Variants in ZNF704 observed in about 807,000 individuals in gnomAD.
The protein encoded by ZNF704 is glucocorticoid induced gene 1.
Under a neutral mutation model 44.7 loss-of-function variants are expected in ZNF704, and 10 were observed. The ratio of observed to expected loss-of-function variants is 0.22; its 90% CI spans 0.14 to 0.38. The LOEUF is 0.38. ZNF704 is among the 10% of genes least tolerant of loss of function. ZNF704 has a pLI of 1.00. For synonymous variants in ZNF704, 211 were observed against 207.6 expected (o/e 1.02, Z -0.14); for missense variants, 390 against 545.5 (o/e 0.71, Z 2.84).
rs1807327401 is a variant in ZNF704 at position 80,771,934 on chromosome 8, T to C, written c.221+49440A>G. Among the ~76,000 whole-genome samples the C allele has an allele frequency of 2.6e-5, 4 of 152,192 alleles. No homozygotes were observed. The South Asian group carries it at 6.2e-4, about 24-fold the overall frequency. On this transcript the variant is annotated intron_variant, in intron 2 of 8. Transcript: ENST00000327835. ...TCAAATGCTTTTCTGCAGTGATTGA[T>C]ATGATTATGTGATGTTTCTTCTTTA...
intron 1 of ZNF704, among the ~76,000 whole-genome samples, chr8:80,835,547 T>C (rs1437153584): frequency 1.3e-5 from 2 of 152,180 alleles, no homozygotes; most frequent in Non-Finnish European, 2.9e-5. Flanking sequence ...AGTTACATAT[T>C]CATCTTGAGC....
intron 2 of ZNF704, among the ~76,000 whole-genome samples, chr8:80,710,473 T>C (rs559407229): frequency 4.6e-5 from 7 of 152,140 alleles, no homozygotes; most frequent in South Asian, 2.1e-4. Flanking sequence ...CACTACAGTA[T>C]GTATGTGTTA....
intron 1 of ZNF704, among the ~76,000 whole-genome samples, chr8:80,860,266 A>G (rs966289535): frequency 2.0e-5 from 3 of 152,192 alleles, no homozygotes; most frequent in African/African-American, 4.8e-5. Flanking sequence ...GATGGACAAC[A>G]TATGAAATCA....
At chr8:80,726,667 C>T (rs1806485608) in intron 2 of ZNF704, among the ~76,000 whole-genome samples, 1 of 151,950 alleles carries the variant, frequency 6.6e-6, no homozygotes, top group South Asian at 2.1e-4. Flanking sequence ...GGATGATGGA[C>T]ATACAGGGAG....
At chr8:80,653,121 C>T (rs1435892729) in intron 7 of ZNF704, among the ~76,000 whole-genome samples, 4 of 152,198 alleles carry the variant, frequency 2.6e-5, no homozygotes, top group Non-Finnish European at 5.9e-5. Context: ...TTCAACAACC[C>T]TTCATGCTAA....
chr8:80,744,966 T>G (rs750114700), intron 2 of ZNF704, among the ~76,000 whole-genome samples: 3 of 152,192 alleles, frequency 2.0e-5, no homozygotes, highest in Non-Finnish European at 4.4e-5. Context: ...ATGACACTTG[T>G]ATGCATTAAA....
intron 2 of ZNF704, among the ~76,000 whole-genome samples, chr8:80,794,097 A>C (rs1039582105): frequency 1.3e-5 from 2 of 152,198 alleles, no homozygotes; most frequent in African/African-American, 4.8e-5. Context: ...TTAGTTGGAC[A>C]AAATTAAGAG....
At chr8:80,743,035 G>T (rs1254272476) in intron 2 of ZNF704, among the ~76,000 whole-genome samples, 2 of 152,014 alleles carry the variant, frequency 1.3e-5, no homozygotes, top group East Asian at 3.9e-4. Context: ...AGGAGGTAAA[G>T]AAATAGCCAA....
At chr8:80,875,012 G>A (rs1030485743), upstream of ZNF704, among the ~76,000 whole-genome samples, 3 of 152,118 alleles carry the variant, frequency 2.0e-5, no homozygotes, top group Admixed American at 6.5e-5. Flanking sequence ...GATTTTAATG[G>A]CTGAATTCCA....
At chr8:80,713,564 G>C (rs1819026216) in intron 2 of ZNF704, among the ~76,000 whole-genome samples, 1 of 152,144 alleles carries the variant, frequency 6.6e-6, no homozygotes, top group South Asian at 2.1e-4. Flanking sequence ...ATTCGTATCA[G>C]GCAACTTGAA....
At position 80,827,360 on chromosome 8, in the gene ZNF704, AC is replaced by A. The variant is rs1417740425; in HGVS notation, c.-21-5746del. ...AATAAAATATCTAGGAATCCAACTTACAAGGGATGTGAAGGACCTCTTCAAG... is the reference window on the plus strand; with the variant it reads ...AATAAAATATCTAGGAATCCAACTTAAAGGGATGTGAAGGACCTCTTCAAG... On this transcript the variant is annotated intron_variant, in intron 1 of 8. Transcript: ENST00000327835. Among the ~76,000 whole-genome samples, 9 of 152,336 alleles carry A rather than the reference AC, an allele frequency of 5.9e-5. 1 individual carries two copies. In the East Asian group the frequency reaches 1.7e-3, roughly 29 times the overall value.
chr8:80,712,292 T>C (rs1818999197), intron 2 of ZNF704, among the ~76,000 whole-genome samples: 1 of 152,200 alleles, frequency 6.6e-6, no homozygotes, highest in African/African-American at 2.4e-5. Flanking sequence ...AGCCCCTCCA[T>C]CTTGGACTTC....
At chr8:80,821,262 A>C in intron 2 of ZNF704, 112 bp downstream of exon 2, 1 of 1,192,132 alleles carries the variant, frequency 8.4e-7, no homozygotes. Context: ...TTCTTGGCAG[A>C]AAACCTTTCA....
At chr8:80,674,997 T>C (rs1451780439) in intron 4 of ZNF704, among the ~76,000 whole-genome samples, 2 of 152,222 alleles carry the variant, frequency 1.3e-5, no homozygotes, top group Non-Finnish European at 2.9e-5. Flanking sequence ...CTTTCATTCA[T>C]TAAACCAAAT....
chr8:80,714,392 ACT>A (rs1563528590), intron 2 of ZNF704, among the ~76,000 whole-genome samples: 1 of 151,558 alleles, frequency 6.6e-6, no homozygotes, highest in African/African-American at 2.4e-5. Context: ...TAGTCATGAG[ACT>A]CTTTTTCGAA....
At chr8:80,742,845 T>TC (rs1055953018) in intron 2 of ZNF704, among the ~76,000 whole-genome samples, 1 of 152,038 alleles carries the variant, frequency 6.6e-6, no homozygotes, top group African/African-American at 2.4e-5. Flanking sequence ...ACTTGGGTTT[T>TC]CCTGTTGAGA....
intron 1 of ZNF704, among the ~76,000 whole-genome samples, chr8:80,822,045 T>C (rs1239710003): frequency 6.6e-6 from 1 of 152,212 alleles, no homozygotes; most frequent in Non-Finnish European, 1.5e-5. Context: ...ATACTGGTCT[T>C]AACCACACTC....
At chr8:80,653,869 C>T (rs1817964323) in intron 7 of ZNF704, among the ~76,000 whole-genome samples, 2 of 152,254 alleles carry the variant, frequency 1.3e-5, no homozygotes, top group South Asian at 4.2e-4. Context: ...CAAAAAAGAG[C>T]CCGCATTGCC....
intron 4 of ZNF704, among the ~76,000 whole-genome samples, chr8:80,686,978 T>C (rs948693654): frequency 7.9e-5 from 12 of 152,174 alleles, no homozygotes; most frequent in Non-Finnish European, 1.6e-4. Flanking sequence ...GGTCAGCAAT[T>C]TATAACCAGA....
Sources: gnomAD v4.1 joint callset for allele counts (sites outside exome capture counted in the v4.1 genomes callset) on GRCh38, gnomAD v4.1.1 for gene constraint, MANE v1.5 for transcripts, NCBI Gene and HGNC (gene_info 2026-07-23, HGNC 2026-07-21) for gene names.